Variants in TPO observed in about 807,000 individuals in gnomAD.
TPO encodes thyroid peroxidase, also known as thyroid microsomal antigen.
A neutral mutation model predicts 96.9 loss-of-function variants in TPO; 78 were observed. That is an observed-to-expected ratio of 0.81 (90% CI 0.67 to 0.97). The LOEUF (loss-of-function observed/expected upper bound fraction) is 0.97. Among genes scored for constraint, TPO ranks in the 50% least tolerant of loss-of-function variants. The probability of loss-of-function intolerance (pLI) is 0.00; values close to 1 mark genes in which losing one functional copy is unlikely to be tolerated. For synonymous variants in TPO, 547 were observed against 538.0 expected (o/e 1.02, Z -0.23); for missense variants, 1,252 against 1,274.8 (o/e 0.98, Z 0.27).
intron 5 of TPO, among the ~76,000 whole-genome samples, chr2:1,444,324 A>G (rs1179310856): frequency 6.8e-6 from 1 of 147,818 alleles, no homozygotes; most frequent in Non-Finnish European, 1.5e-5. Context: ...TCTTGTTTGT[A>G]TGATCCAATC....
In TPO at chr2:1,477,261, G is replaced by T; in HGVS notation, c.995G>T (p.Ser332Ile). The T allele has an allele frequency of 6.2e-7, 1 of 1,605,690 alleles. No homozygotes were observed. The change falls in exon 8 of 17, where the codon AGC (serine) becomes ATC (isoleucine). Residue 332 changes from serine to isoleucine, a missense_variant. Coordinates refer to ENST00000329066, the MANE Select transcript of TPO (RefSeq NM_001206744.2). Reference sequence around the variant, plus strand: ...CTGGACGCGTCCACCGTGTATGGCAGCTCCCCGGCCCTAGAGAGGCAGCTG... The same window carrying T: ...CTGGACGCGTCCACCGTGTATGGCATCTCCCCGGCCCTAGAGAGGCAGCTG... ...SFLDASTVYG[S>I]SPALERQLRN...
chr2:1,448,738 T>C (rs1667054380), intron 5 of TPO, among the ~76,000 whole-genome samples: 1 of 152,168 alleles, frequency 6.6e-6, no homozygotes, highest in Non-Finnish European at 1.5e-5. Flanking sequence ...TATCACGGCA[T>C]CACAGAATCA....
chr2:1,512,610 T>A, intron 14 of TPO: 1 of 470,664 alleles, frequency 2.1e-6, no homozygotes, highest in Non-Finnish European at 2.8e-6. Context: ...CGCTGAGCCC[T>A]GCAGCCCCTC....
At chr2:1,382,344 C>T (rs1282755032) in intron 1 of TPO, among the ~76,000 whole-genome samples, 1 of 152,132 alleles carries the variant, frequency 6.6e-6, no homozygotes, top group Non-Finnish European at 1.5e-5. Context: ...AAGCTTCCTC[C>T]TTGAAGGGTC....
chr2:1,401,277 A>G (rs1252386128), intron 1 of TPO, among the ~76,000 whole-genome samples: 6 of 152,248 alleles, frequency 3.9e-5, no homozygotes, highest in Non-Finnish European at 8.8e-5. Flanking sequence ...TGAATTGGGC[A>G]GCACTCGGAA....
At chr2:1,418,284 CAAA>C (rs1168526107) in intron 2 of TPO, among the ~76,000 whole-genome samples, 3 of 92,976 alleles carry the variant, frequency 3.2e-5, no homozygotes, top group Non-Finnish European at 2.3e-5. Flanking sequence ...GAATCCATCT[CAAA>C]AAAAAAAAAA....
intron 5 of TPO, among the ~76,000 whole-genome samples, chr2:1,452,941 T>G (rs1209491869): frequency 6.6e-6 from 1 of 152,228 alleles, no homozygotes; most frequent in Non-Finnish European, 1.5e-5. Context: ...TACCTTATCA[T>G]GCACTTCAAA....
chr2:1,478,324 G>A (rs767092194), intron 8 of TPO: 38 of 985,304 alleles, frequency 3.9e-5, no homozygotes, highest in South Asian at 9.4e-5. Context: ...TTTGATATGC[G>A]AGTCACCGTG....
rs1218733000 is a variant in TPO at position 1,525,830 on chromosome 2, C to A, written c.2618+8848C>A. 4.9e-5 allele frequency among the ~76,000 whole-genome samples: 7 copies of A among 142,432 alleles called. No homozygotes were observed. In the East Asian group the frequency reaches 1.3e-3, roughly 27 times the overall value. The allele number at this position is 142,432 out of a possible 152,430, so 93.4% of individuals were successfully genotyped here. ...TCCCCGTGTGCAACCTACCCAAATG[C>A]CCCCCACTCTGTGCAACCTCCCAAA... On this transcript the variant is annotated intron_variant, in intron 15 of 16. Transcript: ENST00000329066.
At chr2:1,374,148 TCTC>T (rs1573047871), upstream of TPO, 1 of 152,166 alleles carries the variant, frequency 6.6e-6, no homozygotes, top group African/African-American at 2.4e-5. Context: ...TCAGCCATGG[TCTC>T]CTCTTCACGA....
intron 1 of TPO, among the ~76,000 whole-genome samples, chr2:1,401,905 A>G (rs188178082): frequency 6.6e-6 from 1 of 152,312 alleles, no homozygotes; most frequent in Non-Finnish European, 1.5e-5. Context: ...TTAGGAGTCA[A>G]AGGGCACTGA....
chr2:1,434,651 T>G (rs1421005657), intron 4 of TPO, among the ~76,000 whole-genome samples: 3 of 152,212 alleles, frequency 2.0e-5, no homozygotes, highest in Non-Finnish European at 4.4e-5. Flanking sequence ...TAGAGCCACA[T>G]GCTCACTGCC....
chr2:1,439,009 T>G, intron 5 of TPO: 3 of 582,824 alleles, frequency 5.1e-6, no homozygotes, highest in Non-Finnish European at 9.4e-6. Context: ...GTTTGATGCT[T>G]CCTGATTCAT....
chr2:1,493,756 A>C (rs1280284169), intron 10 of TPO, 46 bp from the exon 11 acceptor site: 1 of 1,607,930 alleles, frequency 6.2e-7, no homozygotes, highest in East Asian at 2.2e-5. Flanking sequence ...GGCTGAACAA[A>C]AGTTCAGTTC....
At position 1,516,927 on chromosome 2, in the gene TPO, G is replaced by A; in HGVS notation, c.2563G>A (p.Ala855Thr). The A allele has an allele frequency of 1.9e-6, 3 of 1,614,004 alleles. No individual in the cohort carries two copies. Among genetic ancestry groups the A allele is most frequent in the Non-Finnish European group, 2.5e-6 (3 of 1,180,032 alleles). The change falls in exon 15 of 17, where the codon GCT becomes ACT. Residue 855 changes from alanine (A) to threonine (T), a missense_variant. Coordinates refer to ENST00000329066, the MANE Select transcript of TPO (RefSeq NM_001206744.2). The stretch of plus-strand genomic sequence containing the variant: ...GGTGACTTGGATCTCCATGTCGCTG[G>A]CTGCTCTGCTGATCGGAGGCTTCGC... ...PRVTWISMSLAALLIGGFAGL... is the reference protein window; with the variant it reads ...PRVTWISMSLTALLIGGFAGL...
intron 15 of TPO, among the ~76,000 whole-genome samples, chr2:1,531,972 TC>T (rs1678369102): frequency 3.4e-5 from 1 of 29,334 alleles, no homozygotes; most frequent in African/African-American, 1.3e-4. Context: ...TCCTCAAATC[TC>T]CCCACTGTGT....
chr2:1,512,593 G>A (rs12465127), intron 14 of TPO: 202,841 of 591,032 alleles, frequency 0.34, 36,000 homozygotes, highest in Middle Eastern at 0.44. Context: ...CGCAGAACAC[G>A]TCTTCCCGCT....
chr2:1,473,349 C>G (rs1669611184), intron 7 of TPO, among the ~76,000 whole-genome samples: 1 of 152,166 alleles, frequency 6.6e-6, no homozygotes, highest in African/African-American at 2.4e-5. Context: ...AGCACTTTGT[C>G]ACAGAAGAAC....
chr2:1,513,878 T>C (rs1674415109), intron 14 of TPO, among the ~76,000 whole-genome samples: 1 of 152,194 alleles, frequency 6.6e-6, no homozygotes, highest in South Asian at 2.1e-4. Flanking sequence ...CACATAGGTA[T>C]AGAATAGATT....
Sources: allele counts gnomAD v4.1 joint callset (sites outside exome capture counted in the v4.1 genomes callset), GRCh38; gene constraint gnomAD v4.1.1; transcripts MANE v1.5; gene names NCBI Gene and HGNC (gene_info 2026-07-23, HGNC 2026-07-21).